COPB1: variants seen among roughly 807,000 people sequenced by gnomAD.
COPB1 encodes coatomer subunit beta.
A neutral mutation model predicts 108.7 loss-of-function variants in COPB1; 21 were observed. The ratio of observed to expected loss-of-function variants is 0.19; its 90% CI spans 0.14 to 0.28. The LOEUF (loss-of-function observed/expected upper bound fraction) is 0.28. Among genes scored for constraint, COPB1 ranks in the 10% least tolerant of loss-of-function variants. COPB1 has a pLI of 1.00. For synonymous variants in COPB1, 378 were observed against 386.8 expected (o/e 0.98, Z 0.27); for missense variants, 919 against 1,141.3 (o/e 0.81, Z 2.81).
At chr11:14,497,796 T>C (rs1947541842) in intron 2 of COPB1, among the ~76,000 whole-genome samples, 1 of 152,154 alleles carries the variant, frequency 6.6e-6, no homozygotes, top group Non-Finnish European at 1.5e-5. Flanking sequence ...AACCTAAGTG[T>C]CCACCAACAG....
At chr11:14,482,938 A>AAATATAAACT (rs1850693301) in intron 8 of COPB1, 94 bp downstream of exon 8, 1 of 1,182,132 alleles carries the variant, frequency 8.5e-7, no homozygotes, top group African/African-American at 1.5e-5. Context: ...TCAGTTTCCA[A>AAATATAAACT]GCATTTAGGT....
chr11:14,462,131 T>C (rs1185186585), intron 18 of COPB1, among the ~76,000 whole-genome samples: 4 of 151,974 alleles, frequency 2.6e-5, no homozygotes, highest in Non-Finnish European at 5.9e-5. Flanking sequence ...AACCCACGGA[T>C]ACAGAAGGCT....
At chr11:14,458,761 G>C in intron 20 of COPB1, 74 bp from the exon 21 acceptor site, 1 of 1,237,856 alleles carries the variant, frequency 8.1e-7, no homozygotes, top group Non-Finnish European at 1.1e-6. Flanking sequence ...CAGCATAGGT[G>C]ACTTTTTTTT....
intron 19 of COPB1, 118 bp from the exon 20 acceptor site, chr11:14,460,415 C>G: frequency 3.3e-6 from 2 of 605,478 alleles, no homozygotes; most frequent in Non-Finnish European, 5.8e-6. Flanking sequence ...AGAGTAGACA[C>G]CAAGAAACTA....
intron 5 of COPB1, among the ~76,000 whole-genome samples, chr11:14,488,829 G>A (rs1850832640): frequency 6.6e-6 from 1 of 152,130 alleles, no homozygotes; most frequent in Non-Finnish European, 1.5e-5. Flanking sequence ...CTAAACCAAA[G>A]AGGGAAAACA....
chr11:14,469,355 T>C lies in COPB1; in HGVS notation c.1946A>G (p.Glu649Gly), dbSNP rs1181861906. ...CCTTACCTTTTGGGATAATTTCTCT[T>C]CTTCTAGTTTAGCAGATAACATGTG... ...LSHMLSAKLE[E>G]EKLSQKKESE... Residue 649 changes from glutamate to glycine, a missense_variant, in exon 15 of 22, where the codon GAA (glutamate) becomes GGA (glycine). Coordinates refer to ENST00000439561, the MANE Select transcript of COPB1 (RefSeq NM_001144061.2). 6.2e-7 allele frequency: 1 copy of C among 1,613,844 alleles called. No homozygotes were observed. The highest frequency in any genetic ancestry group is 1.3e-5 in the African/African-American group (1 of 74,930).
At position 14,461,216 on chromosome 11, in the gene COPB1, C is replaced by G. The variant is rs1850140989; in HGVS notation, c.2526G>C (p.Gln842His). 6.2e-7 allele frequency: 1 copy of G among 1,614,058 alleles called. No individual in the cohort carries two copies. Among genetic ancestry groups the G allele is most frequent in the African/African-American group, 1.3e-5 (1 of 74,930 alleles). The change falls in exon 19 of 22, where the codon CAG becomes CAC. Residue 842 changes from glutamine (Q) to histidine (H), a missense_variant. By Grantham distance (24) the Gln-to-His change is conservative. This residue lies in a region of COPB1 where 705 missense variants were observed against 817.8 expected (regional missense o/e 0.86). Transcript: ENST00000439561. The stretch of plus-strand genomic sequence containing the variant: ...TTTCCCATTCAAATTCGGCCCACAT[C>G]TGACGGAATTCTGCATCAGTGCAAG... ...PATCTDAEFR[Q>H]MWAEFEWENK...
intron 3 of COPB1, 30 bp downstream of exon 3, chr11:14,494,180 A>C: frequency 6.9e-7 from 1 of 1,439,468 alleles, no homozygotes; most frequent in Non-Finnish European, 9.6e-7. Context: ...ATTCAAAGCA[A>C]TATTCAGAAA....
intron 17 of COPB1, 55 bp from the exon 18 acceptor site, chr11:14,465,085 A>G: frequency 4.1e-6 from 6 of 1,474,972 alleles, no homozygotes; most frequent in Non-Finnish European, 4.5e-6. Context: ...ACACACACAC[A>G]CACACACACA....
chr11:14,479,104 GAC>G (rs1850599273), intron 11 of COPB1, among the ~76,000 whole-genome samples: 1 of 151,532 alleles, frequency 6.6e-6, no homozygotes, highest in African/African-American at 2.4e-5. Context: ...TCCTTCCTGA[GAC>G]ATATTTCAAG....
intron 11 of COPB1, among the ~76,000 whole-genome samples, chr11:14,478,014 A>C (rs1336637429): frequency 4.8e-5 from 7 of 146,806 alleles, no homozygotes; most frequent in Admixed American, 3.4e-4. Flanking sequence ...TCAATAACAA[A>C]AAAACAAAAA....
At chr11:14,484,609 T>C (rs1056924478) in intron 7 of COPB1, among the ~76,000 whole-genome samples, 6 of 152,158 alleles carry the variant, frequency 3.9e-5, no homozygotes, top group African/African-American at 7.2e-5. Context: ...TCCCAGCTAC[T>C]CAGGAGGCTG....
Position 14,481,059 on chromosome 11 carries a change from T to G in COPB1, c.996A>C (p.Pro332=). ...VMDILRVLST[P]DLEVRKKTLQ... is the part of the protein sequence containing the mutation. ...GAGTTTTCTTTCGTACTTCTAAGTC[T>G]GGTGTGCTCAATACTCTTAGGATAT... Residue 332 remains proline, a synonymous_variant, in exon 9 of 22, where the codon CCA becomes CCC. Transcript: ENST00000439561. 6.2e-7 allele frequency: 1 copy of G among 1,613,760 alleles called. No homozygotes were observed. The highest frequency in any genetic ancestry group is 8.5e-7 in the Non-Finnish European group (1 of 1,179,938).
At chr11:14,477,690 T>G (rs978911429) in intron 11 of COPB1, among the ~76,000 whole-genome samples, 9 of 149,516 alleles carry the variant, frequency 6.0e-5, no homozygotes, top group Non-Finnish European at 1.2e-4. Context: ...AGGTTGGGAG[T>G]TCAAGACCAG....
chr11:14,475,741 A>T, intron 13 of COPB1, 44 bp downstream of exon 13: 1 of 1,452,104 alleles, frequency 6.9e-7, no homozygotes, highest in Admixed American at 2.5e-5. Context: ...CAAGAGTAAT[A>T]ATAAAAGTAG....
intron 14 of COPB1, among the ~76,000 whole-genome samples, chr11:14,472,011 C>A (rs939697302): frequency 2.6e-5 from 4 of 152,142 alleles, no homozygotes; most frequent in Non-Finnish European, 5.9e-5. Context: ...AATTTAGAAA[C>A]CTGCTGTATA....
In COPB1 at chr11:14,498,103, T is replaced by C. The variant is rs561142109; in HGVS notation, c.91+735A>G. Among the ~76,000 whole-genome samples the C allele has an allele frequency of 3.9e-5, 6 of 152,246 alleles. No homozygotes were observed. The South Asian group carries it at 1.2e-3, about 32-fold the overall frequency. ...CAGAAAAAATGAGTTAGACCCGATATTTGATAGCACACAGGGTAACTACAG... is the reference window on the plus strand; with the variant it reads ...CAGAAAAAATGAGTTAGACCCGATACTTGATAGCACACAGGGTAACTACAG... On this transcript the variant is annotated intron_variant, in intron 2 of 21. Coordinates refer to ENST00000439561, the MANE Select transcript of COPB1 (RefSeq NM_001144061.2).
In COPB1 at chr11:14,494,335, C is replaced by G. The variant is rs147506345; in HGVS notation, c.196G>C (p.Val66Leu). 4.3e-6 allele frequency: 7 copies of G among 1,613,378 alleles called. No individual in the cohort carries two copies. The Admixed American group carries it at 6.7e-5, about 15-fold the overall frequency. The stretch of plus-strand genomic sequence containing the variant: ...ATAGTGTGATCCTGAAGAGGTAGCA[C>G]AAAACGAATGATGGTCATCAGAAGT... ...PGLLMTIIRF[V>L]LPLQDHTIKK... The change falls in exon 3 of 22, where the codon GTG (valine) becomes CTG (leucine). Residue 66 changes from valine to leucine, a missense_variant. Transcript: ENST00000439561.
Position 14,486,608 on chromosome 11 carries a change from T to A in COPB1, c.700-104A>T, listed in dbSNP as rs993568529. 6.5e-6 allele frequency: 9 copies of A among 1,395,234 alleles called. No homozygotes were observed. In the East Asian group the frequency reaches 1.8e-4, roughly 28 times the overall value. 86.4% of individuals were successfully genotyped at this position (1,395,234 alleles called of 1,614,324 possible). A position where few individuals can be genotyped will look rare whatever the true frequency, so the allele number is the denominator to read the frequency against. On this transcript the variant is annotated intron_variant, in intron 6 of 21. Transcript: ENST00000439561. Reference sequence around the variant, plus strand: ...TTATGGGATGCTAGTTTTCTCAATATGAAAGCTAAGAACAGTCTTATGAGG... The same window carrying A: ...TTATGGGATGCTAGTTTTCTCAATAAGAAAGCTAAGAACAGTCTTATGAGG...
Sources: allele counts gnomAD v4.1 joint callset (sites outside exome capture counted in the v4.1 genomes callset), GRCh38; gene constraint gnomAD v4.1.1; regional missense constraint gnomAD v4.1.1; transcripts MANE v1.5; gene names NCBI Gene and HGNC (gene_info 2026-07-23, HGNC 2026-07-21).